Variants in FBXO28 observed in about 807,000 individuals in gnomAD.
The protein encoded by FBXO28 is F-box protein 28.
FBXO28 carries 8 observed loss-of-function variants against 38.1 expected under a neutral mutation model. That is an observed-to-expected ratio of 0.21 (90% CI 0.12 to 0.38). The LOEUF (loss-of-function observed/expected upper bound fraction) is 0.38, where lower values mean the gene tolerates loss of function less well. Ranked by LOEUF, FBXO28 falls within the 10% of genes least tolerant of loss-of-function variation. FBXO28 has a pLI of 1.00. For synonymous variants in FBXO28, 168 were observed against 173.8 expected, an observed-to-expected ratio of 0.97 and a Z score of 0.26; for missense variants, 345 against 460.6, an observed-to-expected ratio of 0.75 and a Z score of 2.30.
rs192037194 is a variant in FBXO28, at chr1:224,160,906, G to T, written c.*3160G>T. On this transcript the variant is annotated 3_prime_UTR_variant, in exon 5 of 5. Transcript: ENST00000366862. ...AATGCCTAAATTAATAAGCTAAAAG[G>T]TGTCACTACAGCTGGATTTTTGAGA... The T allele has an allele frequency of 4.3e-4, 65 of 152,226 alleles. No individual in the cohort carries two copies. The highest frequency in any genetic ancestry group is 3.4e-3 in the Middle Eastern group (1 of 294). 9.4% of individuals were successfully genotyped at this position (152,226 alleles called of 1,614,324 possible).
At chr1:224,128,419 T>G (rs1177556478) in intron 1 of FBXO28, among the ~76,000 whole-genome samples, 1 of 152,038 alleles carries the variant, frequency 6.6e-6, no homozygotes, top group Non-Finnish European at 1.5e-5. Context: ...TGCTAGGATA[T>G]CTCAGAAATA....
At chr1:224,142,914 C>G (rs1657395727) in intron 3 of FBXO28, among the ~76,000 whole-genome samples, 1 of 152,020 alleles carries the variant, frequency 6.6e-6, no homozygotes, top group African/African-American at 2.4e-5. Flanking sequence ...CCACTGAACT[C>G]CAGCCTGGGG....
At chr1:224,140,619 TA>T (rs1014347251) in intron 3 of FBXO28, among the ~76,000 whole-genome samples, 10 of 152,040 alleles carry the variant, frequency 6.6e-5, no homozygotes, top group African/African-American at 1.9e-4. Flanking sequence ...CATGAGCCTT[TA>T]AAAAAAATAA....
chr1:224,135,315 G>C (rs1356350986), intron 3 of FBXO28, among the ~76,000 whole-genome samples: 1 of 152,004 alleles, frequency 6.6e-6, no homozygotes, highest in Non-Finnish European at 1.5e-5. Flanking sequence ...AGTTTTTATT[G>C]AATATCTCAT....
intron 2 of FBXO28, among the ~76,000 whole-genome samples, chr1:224,132,737 G>A (rs1033786403): frequency 6.6e-6 from 1 of 151,686 alleles, no homozygotes; most frequent in Non-Finnish European, 1.5e-5. Context: ...CCTGGGAGAC[G>A]GAGGTTGCAG....
intron 3 of FBXO28, 29 bp downstream of exon 3, chr1:224,134,241 C>T: frequency 6.2e-7 from 1 of 1,606,072 alleles, no homozygotes. Flanking sequence ...CCTAGAACAG[C>T]TGGACTGCCC....
chr1:224,116,099 C>T (rs1012581822), intron 1 of FBXO28, among the ~76,000 whole-genome samples: 1 of 152,066 alleles, frequency 6.6e-6, no homozygotes, highest in Admixed American at 6.6e-5. Context: ...CATAAGGAGT[C>T]CCTTCAGTAC....
Position 224,160,996 on chromosome 1 carries a change from T to C in FBXO28, c.*3250T>C, listed in dbSNP as rs2102641129. ...ATGGCACCTTAAGATTGCACTATTT[T>C]ATGCATTATTTTATATGCCATTTCA... On this transcript the variant is annotated 3_prime_UTR_variant, in exon 5 of 5. Transcript: ENST00000366862. The C allele has an allele frequency of 6.6e-6, 1 of 152,334 alleles. No homozygotes were observed. The highest frequency in any genetic ancestry group is 1.9e-4 in the East Asian group (1 of 5,182). 9.4% of individuals were successfully genotyped at this position (152,334 alleles called of 1,614,324 possible). A position where few individuals can be genotyped will look rare whatever the true frequency, so the allele number is the denominator to read the frequency against.
intron 4 of FBXO28, among the ~76,000 whole-genome samples, chr1:224,153,876 G>A (rs1310754282): frequency 4.0e-5 from 6 of 150,902 alleles, no homozygotes; most frequent in African/African-American, 7.3e-5. Flanking sequence ...AGCCAGATTC[G>A]CGCCATTGCA....
intron 3 of FBXO28, among the ~76,000 whole-genome samples, chr1:224,148,336 A>AAAAG (rs1447868079): frequency 6.6e-6 from 1 of 152,174 alleles, no homozygotes; most frequent in Admixed American, 6.6e-5. Flanking sequence ...GTATCATGGA[A>AAAAG]AAAGACTAAT....
chr1:224,140,144 G>T (rs1572017693), intron 3 of FBXO28, among the ~76,000 whole-genome samples: 1 of 152,114 alleles, frequency 6.6e-6, no homozygotes, highest in Non-Finnish European at 1.5e-5. Flanking sequence ...AAATAAGTTG[G>T]AGACACTGTG....
rs1057509360 is a variant in FBXO28 at position 224,160,601 on chromosome 1, A to G, written c.*2855A>G. 2.6e-5 allele frequency: 4 copies of G among 152,196 alleles called. No homozygotes were observed. Among genetic ancestry groups the G allele is most frequent in the Non-Finnish European group, 5.9e-5 (4 of 68,040 alleles). 9.4% of individuals were successfully genotyped at this position (152,196 alleles called of 1,614,324 possible). A position where few individuals can be genotyped will look rare whatever the true frequency, so the allele number is the denominator to read the frequency against. On this transcript the variant is annotated 3_prime_UTR_variant, in exon 5 of 5. Transcript: ENST00000366862. ...AGGTTATAGAACCTGTTGTTTTTCA[A>G]ACTCCTGTACAGAGCCTGGAAATAA...
At chr1:224,136,790 C>T (rs373997230) in intron 3 of FBXO28, among the ~76,000 whole-genome samples, 1 of 151,372 alleles carries the variant, frequency 6.6e-6, no homozygotes, top group Non-Finnish European at 1.5e-5. Context: ...CTCGTTCTGT[C>T]GCCCAGGCTG....
intron 3 of FBXO28, among the ~76,000 whole-genome samples, chr1:224,139,173 G>C (rs1055388162): frequency 1.3e-5 from 2 of 151,754 alleles, no homozygotes; most frequent in African/African-American, 4.9e-5. Context: ...GGTTTTTACA[G>C]TATAATTGAC....
At chr1:224,123,608 T>C (rs1295541972) in intron 1 of FBXO28, among the ~76,000 whole-genome samples, 2 of 152,050 alleles carry the variant, frequency 1.3e-5, no homozygotes, top group East Asian at 3.8e-4. Context: ...TTTTATTAAG[T>C]TGGTAGCATG....
intron 1 of FBXO28, among the ~76,000 whole-genome samples, chr1:224,128,245 A>T (rs12118268): frequency 0.053 from 7,900 of 147,990 alleles, 222 homozygotes; most frequent in Middle Eastern, 0.075. Flanking sequence ...TATTATTATT[A>T]TTTTTTTTTA....
chr1:224,144,189 T>TGTG (rs1398689001), intron 3 of FBXO28, among the ~76,000 whole-genome samples: 2 of 139,510 alleles, frequency 1.4e-5, no homozygotes, highest in Non-Finnish European at 1.5e-5. Context: ...ATGGGCCAGG[T>TGTG]GTGGTGGTTC....
intron 3 of FBXO28, among the ~76,000 whole-genome samples, chr1:224,141,415 G>C (rs527832268): frequency 2.0e-5 from 3 of 151,076 alleles, no homozygotes; most frequent in Non-Finnish European, 4.4e-5. Flanking sequence ...AGCTTGCAGT[G>C]AGCCAAGATT....
intron 3 of FBXO28, among the ~76,000 whole-genome samples, chr1:224,149,384 G>A (rs909471992): frequency 1.3e-5 from 2 of 151,300 alleles, no homozygotes; most frequent in Non-Finnish European, 2.9e-5. Flanking sequence ...TAGAGACAGA[G>A]CTCACAGTGT....
Sources: allele counts gnomAD v4.1 joint callset (sites outside exome capture counted in the v4.1 genomes callset), GRCh38; gene constraint gnomAD v4.1.1; transcripts MANE v1.5; gene names NCBI Gene and HGNC (gene_info 2026-07-23, HGNC 2026-07-21).